The following SLC5A10 variants were observed in gnomAD, a reference collection of about 807,000 sequenced individuals.
SLC5A10 encodes solute carrier family 5 member 10.
A neutral mutation model predicts 68.9 loss-of-function variants in SLC5A10; 55 were observed. The ratio of observed to expected loss-of-function variants is 0.80; its 90% CI spans 0.64 to 1.00. SLC5A10 has a LOEUF of 1.00. Among genes scored for constraint, SLC5A10 ranks in the 50% least tolerant of loss-of-function variants. The pLI is 0.00. For synonymous variants in SLC5A10, 344 were observed against 344.8 expected (o/e 1.00, Z 0.02); for missense variants, 732 against 819.3 (o/e 0.89, Z 1.30).
intron 9 of SLC5A10, among the ~76,000 whole-genome samples, chr17:18,993,704 C>G (rs9891821): frequency 0.21 from 32,420 of 152,062 alleles, 4,650 homozygotes; most frequent in African/African-American, 0.4. Flanking sequence ...CGGGGGTGGA[C>G]AGAGTCTCTC....
chr17:19,016,838 G>A (rs1431861685), intron 11 of SLC5A10, among the ~76,000 whole-genome samples: 1 of 152,108 alleles, frequency 6.6e-6, no homozygotes, highest in Non-Finnish European at 1.5e-5. Flanking sequence ...TCTCCTCTGA[G>A]GCCAGACCTT....
At chr17:19,020,121 C>T (rs1276967731) in intron 13 of SLC5A10, 34 bp from the exon 14 acceptor site, 2 of 1,564,534 alleles carry the variant, frequency 1.3e-6, no homozygotes, top group South Asian at 1.1e-5. Context: ...TGCCATCCCC[C>T]ACCCCCAACC....
At chr17:19,005,873 C>A (rs895486479) in intron 9 of SLC5A10, among the ~76,000 whole-genome samples, 1 of 152,258 alleles carries the variant, frequency 6.6e-6, no homozygotes, top group African/African-American at 2.4e-5. Flanking sequence ...TTTGCATCCT[C>A]CTCCTGCCCC....
At chr17:18,954,011 C>G (rs1161396169) in intron 1 of SLC5A10, 1 of 152,234 alleles carries the variant, frequency 6.6e-6, no homozygotes, top group East Asian at 1.9e-4. Context: ...GCTCTGTGTA[C>G]TTAAGTCACT....
chr17:18,998,768 G>A (rs1307822195), intron 9 of SLC5A10, among the ~76,000 whole-genome samples: 1 of 152,246 alleles, frequency 6.6e-6, no homozygotes, highest in Non-Finnish European at 1.5e-5. Context: ...CTGACCTGTG[G>A]TGGGAGCCTG....
At chr17:19,020,101 A>ACCCCC in intron 13 of SLC5A10, 54 bp from the exon 14 acceptor site, 2 of 1,227,276 alleles carry the variant, frequency 1.6e-6, no homozygotes, top group Non-Finnish European at 1.2e-6. Flanking sequence ...TGTCTGGGTC[A>ACCCCC]CCCCCACCCT....
intron 5 of SLC5A10, among the ~76,000 whole-genome samples, chr17:18,962,155 A>G (rs2042625001): frequency 6.6e-6 from 1 of 152,186 alleles, no homozygotes; most frequent in African/African-American, 2.4e-5. Flanking sequence ...ATACAGAAAT[A>G]AACAAGACCT....
In SLC5A10 at chr17:19,020,762, G is replaced by A; in HGVS notation, c.*331G>A. ...AGCAGTGAGATTTGCCAGCACTCAG[G>A]GTTCTAAGGGTCTTGGGCCAGCTCT... is the stretch of plus-strand genomic sequence containing the variant. On this transcript the variant is annotated 3_prime_UTR_variant, in exon 15 of 15. Coordinates refer to ENST00000395645, the MANE Select transcript of SLC5A10 (RefSeq NM_001042450.4). 3.0e-6 allele frequency: 1 copy of A among 337,670 alleles called. No individual in the cohort carries two copies. The highest frequency in any genetic ancestry group is 7.0e-5 in the East Asian group (1 of 14,226). The allele number at this position is 337,670 out of a possible 1,614,324, so 20.9% of individuals were successfully genotyped here. A position where few individuals can be genotyped will look rare whatever the true frequency, so the allele number is the denominator to read the frequency against.
intron 1 of SLC5A10, chr17:18,953,831 A>G (rs2042428574): frequency 6.6e-6 from 1 of 152,646 alleles, no homozygotes; most frequent in Non-Finnish European, 1.5e-5. Context: ...GGGATGTTCA[A>G]CTGGCAGGTA....
chr17:18,959,925 T>A (rs1323262150), intron 4 of SLC5A10, among the ~76,000 whole-genome samples: 2 of 152,034 alleles, frequency 1.3e-5, no homozygotes. Context: ...GTGCTGCATC[T>A]CAGGAATAAT....
At chr17:19,015,251 G>T (rs1283354060) in intron 11 of SLC5A10, 52 bp downstream of exon 11, 3 of 1,206,942 alleles carry the variant, frequency 2.5e-6, no homozygotes, top group Admixed American at 2.6e-5. Flanking sequence ...AAGGGTGGGC[G>T]CCCGCACTGA....
intron 9 of SLC5A10, among the ~76,000 whole-genome samples, chr17:18,992,518 G>T (rs886684584): frequency 3.3e-5 from 5 of 152,240 alleles, no homozygotes; most frequent in Admixed American, 6.5e-5. Context: ...CTGGCTGCTG[G>T]CGTTGGGGGT....
At position 19,004,037 on chromosome 17, in the gene SLC5A10, G is replaced by A. The variant is rs752442342; in HGVS notation, c.983-9373G>A. 6.3e-7 allele frequency: 1 copy of A among 1,584,704 alleles called. No individual in the cohort carries two copies. The highest frequency in any genetic ancestry group is 8.6e-7 in the Non-Finnish European group (1 of 1,163,084). Reference sequence around the variant, plus strand: ...GTCCAGACACTGCACCTGAGAGAAGGCCATGGCGCCGCCTGCCCGGGCACT... The same window carrying A: ...GTCCAGACACTGCACCTGAGAGAAGACCATGGCGCCGCCTGCCCGGGCACT... On this transcript the variant is annotated intron_variant, in intron 9 of 14. Transcript: ENST00000395645. The surrounding 1 kb of genome is among the most constrained non-coding windows in gnomAD (Gnocchi z 5.4).
Position 18,968,925 on chromosome 17 carries a change from T to G in SLC5A10, c.454-127T>G, listed in dbSNP as rs1597829154. On this transcript the variant is annotated intron_variant, in intron 5 of 14. Transcript: ENST00000395645. This position sits in a 1 kb window ranked among gnomAD's most constrained non-coding sequence, Gnocchi z 4.1. ...CCCGTGATGCAGGCAGGCAGGCGAG[T>G]GGGGGTCTCCCCTCCTTATCCACAG... 1.3e-6 allele frequency: 1 copy of G among 775,064 alleles called. No individual in the cohort carries two copies. The highest frequency in any genetic ancestry group is 2.0e-6 in the Non-Finnish European group (1 of 497,768). The allele number at this position is 775,064 out of a possible 1,614,324, so 48.0% of individuals were successfully genotyped here.
chr17:19,022,467 G>T lies in SLC5A10; in HGVS notation c.*2036G>T, dbSNP rs918424427. 5 of 300,184 alleles carry T rather than the reference G, an allele frequency of 1.7e-5. No homozygotes were observed. The highest frequency in any genetic ancestry group is 1.1e-4 in the African/African-American group (5 of 46,584). The allele number at this position is 300,184 out of a possible 1,614,324, so 18.6% of individuals were successfully genotyped here. A position where few individuals can be genotyped will look rare whatever the true frequency, so the allele number is the denominator to read the frequency against. On this transcript the variant is annotated 3_prime_UTR_variant, in exon 15 of 15. Coordinates refer to ENST00000395645, the MANE Select transcript of SLC5A10 (RefSeq NM_001042450.4). The stretch of plus-strand genomic sequence containing the variant: ...TTTTGGTTAGGTCCCTGCTTCTCTT[G>T]GGATCTTATTTACCCGACTCTGCAG...
rs1262433985 is a variant in SLC5A10 at position 18,968,274 on chromosome 17, T to C, written c.454-778T>C. Among the ~76,000 whole-genome samples, 1 of 152,182 alleles carries C rather than the reference T, an allele frequency of 6.6e-6. No homozygotes were observed. Among genetic ancestry groups the C allele is most frequent in the African/African-American group, 2.4e-5 (1 of 41,450 alleles). Reference sequence around the variant, plus strand: ...TCGCATCTCCTGAGTCAAAGCAGAATGGTAGGTTTAGGAACTCAGGGGTGG... The same window carrying C: ...TCGCATCTCCTGAGTCAAAGCAGAACGGTAGGTTTAGGAACTCAGGGGTGG... On this transcript the variant is annotated intron_variant, in intron 5 of 14. Transcript: ENST00000395645. This position sits in a 1 kb window ranked among gnomAD's most constrained non-coding sequence, Gnocchi z 4.1.
chr17:18,995,529 G>A (rs1039593447), intron 9 of SLC5A10, among the ~76,000 whole-genome samples: 1 of 152,176 alleles, frequency 6.6e-6, no homozygotes, highest in Non-Finnish European at 1.5e-5. Flanking sequence ...GTCTCAGAAG[G>A]TGGAAGGGTT....
intron 9 of SLC5A10, among the ~76,000 whole-genome samples, chr17:18,998,953 A>G (rs921251793): frequency 6.6e-6 from 1 of 152,182 alleles, no homozygotes; most frequent in Admixed American, 6.5e-5. Flanking sequence ...TCCTCCAGAG[A>G]GCCCAGTATT....
intron 9 of SLC5A10, among the ~76,000 whole-genome samples, chr17:18,985,435 T>C (rs114145504): frequency 0.027 from 4,136 of 152,264 alleles, 197 homozygotes; most frequent in African/African-American, 0.093. Context: ...AGAAAACCTG[T>C]ACCCTGCCTG....
Sources: allele counts gnomAD v4.1 joint callset (sites outside exome capture counted in the v4.1 genomes callset), GRCh38; gene constraint gnomAD v4.1.1; non-coding constraint Gnocchi (gnomAD v3.1); transcripts MANE v1.5; gene names NCBI Gene and HGNC (gene_info 2026-07-23, HGNC 2026-07-21).